FGF14: variants seen among roughly 807,000 people sequenced by gnomAD.
FGF14 encodes fibroblast growth factor homologous factor 4.
Under a neutral mutation model 25.5 loss-of-function variants are expected in FGF14, and 5 were observed. The ratio of observed to expected loss-of-function variants is 0.20; its 90% CI spans 0.10 to 0.41. FGF14 has a LOEUF of 0.41. FGF14 is among the 10% of genes least tolerant of loss of function. FGF14 has a pLI of 1.00. For missense variants in FGF14, 222 were observed against 320.1 expected (o/e 0.69, Z 2.34); for synonymous variants, 138 against 118.3 (o/e 1.17, Z -1.08).
At chr13:101,965,528 T>A (rs549182498) in intron 1 of FGF14, among the ~76,000 whole-genome samples, 1 of 152,188 alleles carries the variant, frequency 6.6e-6, no homozygotes, top group East Asian at 1.9e-4. Flanking sequence ...TAAGAACAAC[T>A]GACAGAATCA....
intron 1 of FGF14, among the ~76,000 whole-genome samples, chr13:102,304,941 T>C (rs1229271697): frequency 6.6e-6 from 1 of 152,188 alleles, no homozygotes; most frequent in Non-Finnish European, 1.5e-5. Context: ...ACAGAAATTG[T>C]GTGAAATGAT....
intron 3 of FGF14, among the ~76,000 whole-genome samples, chr13:101,768,059 C>T (rs2038519740): frequency 6.6e-6 from 1 of 151,812 alleles, no homozygotes; most frequent in Admixed American, 6.6e-5. Flanking sequence ...AAAAGCAAAA[C>T]ATAAAAATCA....
chr13:102,047,662 C>T (rs2140034965), intron 1 of FGF14, among the ~76,000 whole-genome samples: 1 of 152,126 alleles, frequency 6.6e-6, no homozygotes, highest in African/African-American at 2.4e-5. Flanking sequence ...GGGAACATCA[C>T]ACACCGGGGC....
At chr13:102,040,176 ATG>A (rs1378298060) in intron 1 of FGF14, among the ~76,000 whole-genome samples, 1 of 151,960 alleles carries the variant, frequency 6.6e-6, no homozygotes, top group African/African-American at 2.4e-5. Flanking sequence ...TACTCTAAAA[ATG>A]TCTCTCTTGC....
At chr13:102,080,246 C>T (rs1427804151) in intron 1 of FGF14, among the ~76,000 whole-genome samples, 6 of 152,208 alleles carry the variant, frequency 3.9e-5, no homozygotes, top group East Asian at 1.9e-4. Flanking sequence ...ATCCAGAAGA[C>T]GACGATGACT....
chr13:101,756,601 C>T (rs530642587), intron 3 of FGF14, among the ~76,000 whole-genome samples: 35 of 152,224 alleles, frequency 2.3e-4, no homozygotes, highest in African/African-American at 8.4e-4. Flanking sequence ...GGTGCGGTGG[C>T]ACATGCCTGT....
chr13:102,031,867 T>G (rs769906472), intron 1 of FGF14, among the ~76,000 whole-genome samples: 2 of 152,054 alleles, frequency 1.3e-5, no homozygotes, highest in Non-Finnish European at 2.9e-5. Context: ...AAATGAAACA[T>G]TAAGGAATAA....
At chr13:101,889,622 T>C (rs1033232572) in intron 1 of FGF14, among the ~76,000 whole-genome samples, 2 of 152,130 alleles carry the variant, frequency 1.3e-5, no homozygotes, top group Non-Finnish European at 2.9e-5. Context: ...AAGCAAAACG[T>C]CAAGCTGATG....
chr13:101,997,931 A>G, intron 1 of FGF14, among the ~76,000 whole-genome samples: 1 of 152,186 alleles, frequency 6.6e-6, no homozygotes, highest in East Asian at 1.9e-4. Context: ...TGGGATACCT[A>G]TAGATAGCAA....
intron 1 of FGF14, among the ~76,000 whole-genome samples, chr13:101,878,747 G>A (rs1004598675): frequency 2.0e-5 from 3 of 151,776 alleles, no homozygotes; most frequent in Non-Finnish European, 4.4e-5. Flanking sequence ...ATAGTTACTA[G>A]GATAAAAAAT....
At chr13:101,949,581 C>T (rs946414439) in intron 1 of FGF14, among the ~76,000 whole-genome samples, 2 of 152,164 alleles carry the variant, frequency 1.3e-5, no homozygotes, top group Non-Finnish European at 2.9e-5. Flanking sequence ...CTTAGACATG[C>T]ATGCCCTTTA....
At chr13:101,771,543 A>C (rs1469487609) in intron 3 of FGF14, among the ~76,000 whole-genome samples, 1 of 152,156 alleles carries the variant, frequency 6.6e-6, no homozygotes, top group African/African-American at 2.4e-5. Context: ...CAGCTTCAAT[A>C]AAATTATACT....
rs1390228962 is a variant in FGF14 at position 101,719,388 on chromosome 13, G to A, written c.*3443C>T. On this transcript the variant is annotated 3_prime_UTR_variant, in exon 5 of 5. Coordinates refer to ENST00000376143, the MANE Select transcript of FGF14 (RefSeq NM_004115.4). The stretch of plus-strand genomic sequence containing the variant: ...TTGGACCCATCGTGGATCTCTTTAA[G>A]CCACTGCTACCCAAAAACATTCAGG... 1 of 152,012 alleles carries A rather than the reference G, an allele frequency of 6.6e-6. No homozygotes were observed. The highest frequency in any genetic ancestry group is 1.5e-5 in the Non-Finnish European group (1 of 67,990). 9.4% of individuals were successfully genotyped at this position (152,012 alleles called of 1,614,324 possible).
chr13:101,727,594 A>T (rs1052457340), intron 3 of FGF14, among the ~76,000 whole-genome samples: 2 of 152,160 alleles, frequency 1.3e-5, no homozygotes, highest in Middle Eastern at 3.2e-3. Context: ...ACTACTTTAC[A>T]ATTATTATTA....
intron 1 of FGF14, among the ~76,000 whole-genome samples, chr13:102,365,203 C>A (rs1323755570): frequency 6.6e-6 from 1 of 152,096 alleles, no homozygotes; most frequent in Non-Finnish European, 1.5e-5. Context: ...CTTTGAGAAT[C>A]TCAAAGTCTG....
At chr13:102,083,760 T>C (rs1267386078) in intron 1 of FGF14, among the ~76,000 whole-genome samples, 1 of 152,258 alleles carries the variant, frequency 6.6e-6, no homozygotes, top group Admixed American at 6.5e-5. Flanking sequence ...GCACACTTTC[T>C]TGTGCTCTCT....
chr13:102,009,888 G>A (rs2039992426), intron 1 of FGF14, among the ~76,000 whole-genome samples: 1 of 152,082 alleles, frequency 6.6e-6, no homozygotes, highest in South Asian at 2.1e-4. Context: ...GCCTTCCAAA[G>A]CCATACAAAG....
chr13:101,949,105 C>T (rs1451585228), intron 1 of FGF14, among the ~76,000 whole-genome samples: 1 of 152,148 alleles, frequency 6.6e-6, no homozygotes, highest in Non-Finnish European at 1.5e-5. Flanking sequence ...AAACCGCTTT[C>T]ACCAGTGGTT....
intron 1 of FGF14, chr13:102,263,185 AAAAG>A: frequency 1.8e-6 from 1 of 560,358 alleles, no homozygotes; most frequent in Non-Finnish European, 3.5e-6. Context: ...TTTTAACCCT[AAAAG>A]TCTTGTGAGA....
Sources: gnomAD v4.1 joint callset for allele counts (sites outside exome capture counted in the v4.1 genomes callset) on GRCh38, gnomAD v4.1.1 for gene constraint, MANE v1.5 for transcripts, NCBI Gene and HGNC (gene_info 2026-07-23, HGNC 2026-07-21) for gene names.